UVRAG: variants seen among roughly 807,000 people sequenced by gnomAD.
UVRAG encodes the protein UV radiation resistance associated, also known as UV radiation resistance-associated gene protein.
UVRAG carries 19 observed loss-of-function variants against 78.0 expected under a neutral mutation model. The ratio of observed to expected loss-of-function variants is 0.24; its 90% confidence interval spans 0.17 to 0.36. The LOEUF (loss-of-function observed/expected upper bound fraction) is 0.36. Ranked by LOEUF, UVRAG falls within the 10% of genes least tolerant of loss-of-function variation. The pLI is 1.00. For missense variants in UVRAG, 740 were observed against 853.8 expected (o/e 0.87, Z 1.66); for synonymous variants, 323 against 324.6 (o/e 1.00, Z 0.05).
In UVRAG at chr11:76,065,734, G is replaced by A; in HGVS notation, c.1251G>A (p.Gly417=). 4 of 1,613,784 alleles carry A rather than the reference G, an allele frequency of 2.5e-6. No individual in the cohort carries two copies. Among genetic ancestry groups the A allele is most frequent in the Non-Finnish European group, 2.5e-6 (3 of 1,179,888 alleles). Residue 417 remains glycine, a synonymous_variant, in exon 13 of 15, where the codon GGG becomes GGA. Transcript: ENST00000356136. ...EREFPLYPKG[G]EKLQFDYGVY... The stretch of plus-strand genomic sequence containing the variant: ...GGTTTCCACTGTATCCAAAAGGAGG[G>A]GAGAAGTTGCAGTTTGATTATGGTG...
chr11:75,952,648 G>T lies in UVRAG; in HGVS notation c.594-8796G>T, dbSNP rs770761747. ...TACTCAGATAAACCCACTTGATCCA[G>T]TTGCTTTATCCTTTTCATATATTAC... is the stretch of plus-strand genomic sequence containing the variant. On this transcript the variant is annotated intron_variant, in intron 6 of 14. Transcript: ENST00000356136. Among the ~76,000 whole-genome samples, 4 of 152,094 alleles carry T rather than the reference G, an allele frequency of 2.6e-5. No individual in the cohort carries two copies. In the East Asian group the frequency reaches 5.8e-4, roughly 22 times the overall value.
chr11:76,120,790 G>A (rs1952258774), intron 14 of UVRAG, among the ~76,000 whole-genome samples: 1 of 152,212 alleles, frequency 6.6e-6, no homozygotes, highest in South Asian at 2.1e-4. Context: ...CAAAGCCGGA[G>A]CAAGCACTTT....
At chr11:75,943,831 T>C (rs1427416296) in intron 6 of UVRAG, among the ~76,000 whole-genome samples, 1 of 152,138 alleles carries the variant, frequency 6.6e-6, no homozygotes, top group Non-Finnish European at 1.5e-5. Flanking sequence ...TACCATGAGA[T>C]TGTGTTCTTC....
At chr11:75,868,396 G>A (rs1436673204) in intron 3 of UVRAG, among the ~76,000 whole-genome samples, 1 of 152,152 alleles carries the variant, frequency 6.6e-6, no homozygotes, top group Non-Finnish European at 1.5e-5. Flanking sequence ...GAGAATTGAG[G>A]ATCAGGACAG....
intron 1 of UVRAG, among the ~76,000 whole-genome samples, chr11:75,836,246 T>A (rs932643399): frequency 2.6e-5 from 4 of 152,232 alleles, no homozygotes; most frequent in African/African-American, 9.6e-5. Context: ...ATAGACCTAG[T>A]CAATCAGAAT....
intron 9 of UVRAG, among the ~76,000 whole-genome samples, chr11:76,006,300 A>G (rs147534403): frequency 4.5e-4 from 69 of 152,252 alleles, no homozygotes; most frequent in African/African-American, 1.6e-3. Context: ...AATTCTTGAC[A>G]CAGTTGATCA....
intron 7 of UVRAG, among the ~76,000 whole-genome samples, chr11:75,965,605 G>A (rs556688326): frequency 4.0e-4 from 61 of 152,172 alleles, no homozygotes; most frequent in Non-Finnish European, 7.2e-4. Context: ...ATGAGCCACC[G>A]CGCCCGGCAG....
At chr11:75,964,866 A>T (rs972862235) in intron 7 of UVRAG, among the ~76,000 whole-genome samples, 1 of 152,206 alleles carries the variant, frequency 6.6e-6, no homozygotes, top group African/African-American at 2.4e-5. Context: ...TAGTCTTTTC[A>T]TTCCCCATTT....
intron 4 of UVRAG, among the ~76,000 whole-genome samples, chr11:75,886,162 C>T (rs556673351): frequency 7.0e-4 from 107 of 152,164 alleles, no homozygotes; most frequent in African/African-American, 2.4e-3. Flanking sequence ...TTTTTAACCC[C>T]GTATCTTTTC....
Position 76,144,138 on chromosome 11 carries a change from C to T in UVRAG, c.*2725C>T, listed in dbSNP as rs1007723244. 2.6e-4 allele frequency among the ~76,000 whole-genome samples: 40 copies of T among 152,178 alleles called. No homozygotes were observed. Among genetic ancestry groups the T allele is most frequent in the African/African-American group, 9.6e-4 (40 of 41,512 alleles). ...CAGTTATTTAAATAATTTTTTAAAC[C>T]ACCACGAATAATAAATGGCATGTGA... On this transcript the variant is annotated 3_prime_UTR_variant, in exon 15 of 15. Coordinates refer to ENST00000356136, the MANE Select transcript of UVRAG (RefSeq NM_003369.4).
intron 6 of UVRAG, among the ~76,000 whole-genome samples, chr11:75,918,585 T>G (rs896826327): frequency 4.6e-5 from 7 of 152,130 alleles, no homozygotes; most frequent in Non-Finnish European, 7.4e-5. Context: ...ATGGAGTGCT[T>G]ACTGTGTTAT....
At chr11:75,974,244 T>C (rs1484520074) in intron 7 of UVRAG, among the ~76,000 whole-genome samples, 2 of 152,206 alleles carry the variant, frequency 1.3e-5, no homozygotes, top group Non-Finnish European at 2.9e-5. Flanking sequence ...ATGATCTCTA[T>C]TCTAACTGGT....
intron 13 of UVRAG, among the ~76,000 whole-genome samples, chr11:76,095,870 CAAAAAAAAAA>C (rs747792893): frequency 4.4e-5 from 2 of 45,972 alleles, no homozygotes; most frequent in South Asian, 7.9e-4. Context: ...GACTCTGTCT[CAAAAAAAAAA>C]AAAAAAAAAA....
At chr11:76,073,373 A>C (rs867629304) in intron 13 of UVRAG, among the ~76,000 whole-genome samples, 1 of 152,164 alleles carries the variant, frequency 6.6e-6, no homozygotes, top group Non-Finnish European at 1.5e-5. Context: ...GTATTTGGCA[A>C]ACATTTTCTC....
At chr11:76,016,157 T>G (rs1472583140) in intron 11 of UVRAG, among the ~76,000 whole-genome samples, 1 of 152,178 alleles carries the variant, frequency 6.6e-6, no homozygotes, top group Non-Finnish European at 1.5e-5. Context: ...GATACCTGCA[T>G]TTTTTCCTAG....
intron 6 of UVRAG, among the ~76,000 whole-genome samples, chr11:75,949,831 A>G (rs1265061014): frequency 6.6e-6 from 1 of 151,880 alleles, no homozygotes; most frequent in Non-Finnish European, 1.5e-5. Flanking sequence ...ATAAATATAC[A>G]CACCTGTATT....
intron 3 of UVRAG, among the ~76,000 whole-genome samples, chr11:75,877,874 A>C (rs1226754070): frequency 1.8e-5 from 2 of 110,598 alleles, no homozygotes; most frequent in African/African-American, 7.2e-5. Context: ...TGACCCCCCC[A>C]CCTCCCTCCC....
intron 6 of UVRAG, among the ~76,000 whole-genome samples, chr11:75,952,114 T>C (rs1948713215): frequency 6.6e-6 from 1 of 152,208 alleles, no homozygotes; most frequent in South Asian, 2.1e-4. Flanking sequence ...CACTGATTGA[T>C]TTTTAATATA....
At chr11:76,040,806 T>G (rs2134329508) in intron 12 of UVRAG, among the ~76,000 whole-genome samples, 1 of 152,138 alleles carries the variant, frequency 6.6e-6, no homozygotes, top group East Asian at 1.9e-4. Context: ...CCGCCTGCCT[T>G]GGCCTCCCAA....
Sources: allele counts gnomAD v4.1 joint callset (sites outside exome capture counted in the v4.1 genomes callset), GRCh38; gene constraint gnomAD v4.1.1; transcripts MANE v1.5; gene names NCBI Gene and HGNC (gene_info 2026-07-23, HGNC 2026-07-21).